The following CHRNA1 variants were observed in gnomAD, a reference collection of about 807,000 sequenced individuals.
CHRNA1 encodes acetylcholine receptor subunit alpha.
A neutral mutation model predicts 47.1 loss-of-function variants in CHRNA1; 35 were observed. That is an observed-to-expected ratio of 0.74 (90% CI 0.57 to 0.99). The LOEUF (loss-of-function observed/expected upper bound fraction) is 0.99. Among genes scored for constraint, CHRNA1 ranks in the 50% least tolerant of loss-of-function variants. The probability of loss-of-function intolerance (pLI) is 0.00; values close to 1 mark genes in which losing one functional copy is unlikely to be tolerated. For synonymous variants in CHRNA1, 229 were observed against 223.6 expected (o/e 1.02, Z -0.22); for missense variants, 506 against 591.1 (o/e 0.86, Z 1.49).
intron 1 of CHRNA1, among the ~76,000 whole-genome samples, chr2:174,761,231 A>G (rs575896898): frequency 7.2e-5 from 11 of 152,214 alleles, no homozygotes; most frequent in Admixed American, 6.5e-4. Flanking sequence ...TGGGTTGGGG[A>G]CTGTGTGTTC....
chr2:174,748,743 T>G lies in CHRNA1; in HGVS notation c.1079A>C (p.Lys360Thr). 2 of 1,614,206 alleles carry G rather than the reference T, an allele frequency of 1.2e-6. No individual in the cohort carries two copies. Among genetic ancestry groups the G allele is most frequent in the Non-Finnish European group, 1.7e-6 (2 of 1,180,022 alleles). ...GATATCAATGTCTTCTGTAAAAATC[T>G]TTTTGTCTTGCTTTTCTCTGGATGG... ...KRPSREKQDK[K>T]IFTEDIDISD... Residue 360 changes from lysine (K) to threonine (T), a missense_variant, in exon 8 of 9, where the codon AAG (lysine) becomes ACG (threonine). Coordinates refer to ENST00000348749, the MANE Select transcript of CHRNA1 (RefSeq NM_000079.4).
intron 3 of CHRNA1, 155 bp from the exon 4 acceptor site, chr2:174,757,830 A>G: frequency 1.0e-6 from 1 of 953,840 alleles, no homozygotes. Context: ...CACTTCAGTA[A>G]ATAAGAACAG....
chr2:174,755,856 A>C (rs1363181198), intron 4 of CHRNA1, among the ~76,000 whole-genome samples: 3 of 152,164 alleles, frequency 2.0e-5, no homozygotes, highest in African/African-American at 7.2e-5. Context: ...GCCAACAGCG[A>C]GACCTCATCT....
In CHRNA1 at chr2:174,747,728, C is replaced by G. The variant is rs1683759208; in HGVS notation, c.*396G>C. On this transcript the variant is annotated 3_prime_UTR_variant, in exon 9 of 9. Transcript: ENST00000348749. Reference sequence around the variant, plus strand: ...AAAACTGACTCTTAAGCAAAGAATACACTTCATTTAGAACATCAGCAACTC... The same window carrying G: ...AAAACTGACTCTTAAGCAAAGAATAGACTTCATTTAGAACATCAGCAACTC... The G allele has an allele frequency of 1.1e-5, 3 of 278,268 alleles. No homozygotes were observed. The highest frequency in any genetic ancestry group is 2.1e-5 in the Non-Finnish European group (3 of 142,338). 17.2% of individuals were successfully genotyped at this position (278,268 alleles called of 1,614,324 possible). A position where few individuals can be genotyped will look rare whatever the true frequency, so the allele number is the denominator to read the frequency against.
At chr2:174,752,613 A>G (rs757449556) in intron 6 of CHRNA1, 4 of 152,254 alleles carry the variant, frequency 2.6e-5, no homozygotes, top group Non-Finnish European at 4.4e-5. Context: ...TCACTGGAAC[A>G]TGCACTCTGA....
chr2:174,758,265 C>T (rs946327530), intron 3 of CHRNA1, among the ~76,000 whole-genome samples: 1 of 151,930 alleles, frequency 6.6e-6, no homozygotes, highest in Non-Finnish European at 1.5e-5. Flanking sequence ...AAAAATTAGC[C>T]GGGCGTGGTG....
chr2:174,763,785 AT>A (rs1244858402), intron 1 of CHRNA1, among the ~76,000 whole-genome samples: 4 of 150,714 alleles, frequency 2.7e-5, no homozygotes, highest in Admixed American at 1.3e-4. Context: ...TTCATATGGA[AT>A]TTTTTTTAAC....
intron 5 of CHRNA1, 62 bp downstream of exon 5, chr2:174,754,157 A>G: frequency 6.7e-7 from 1 of 1,485,926 alleles, no homozygotes; most frequent in Non-Finnish European, 9.4e-7. Flanking sequence ...TCCAAGGAAA[A>G]GTTGGAGACC....
rs910751428 is a variant in CHRNA1 at position 174,753,279 on chromosome 2, G to A, written c.778+224C>T. On this transcript the variant is annotated intron_variant, in intron 6 of 8. Transcript: ENST00000348749. ...CTAAGCTACACTGTGCATCTCTAGG[G>A]TCATGTTCAACTCCCTGCCGCTCGG... is the stretch of plus-strand genomic sequence containing the variant. 7 of 688,942 alleles carry A rather than the reference G, an allele frequency of 1.0e-5. 1 individual carries two copies. Among genetic ancestry groups the A allele is most frequent in the Non-Finnish European group, 1.6e-5 (6 of 378,082 alleles). The allele number at this position is 688,942 out of a possible 1,614,324, so 42.7% of individuals were successfully genotyped here.
rs142435010 is a variant in CHRNA1 at position 174,756,957 on chromosome 2, C to T, written c.344+609G>A. 2.5e-3 allele frequency among the ~76,000 whole-genome samples: 382 copies of T among 152,228 alleles called. 4 individuals are homozygous for T. Among genetic ancestry groups the T allele is most frequent in the African/African-American group, 8.7e-3 (360 of 41,538 alleles). On this transcript the variant is annotated intron_variant, in intron 4 of 8. Coordinates refer to ENST00000348749, the MANE Select transcript of CHRNA1 (RefSeq NM_000079.4). Reference sequence around the variant, plus strand: ...TAATGAACGTGTCATTAGACCAGAACGTCTTGAATAATATTATAATTTCAC... The same window carrying T: ...TAATGAACGTGTCATTAGACCAGAATGTCTTGAATAATATTATAATTTCAC...
At chr2:174,758,829 G>A (rs1429560218) in intron 3 of CHRNA1, among the ~76,000 whole-genome samples, 1 of 152,040 alleles carries the variant, frequency 6.6e-6, no homozygotes, top group Non-Finnish European at 1.5e-5. Flanking sequence ...AAAATAGACT[G>A]TCATTCAATA....
At chr2:174,758,830 T>C (rs926202063) in intron 3 of CHRNA1, among the ~76,000 whole-genome samples, 14 of 152,230 alleles carry the variant, frequency 9.2e-5, no homozygotes, top group Admixed American at 5.2e-4. Context: ...AAATAGACTG[T>C]CATTCAATAT....
In CHRNA1 at chr2:174,753,517, A is replaced by C; in HGVS notation, c.764T>G (p.Leu255Arg). Residue 255 changes from leucine to arginine, a missense_variant, in exon 6 of 9, where the codon CTG becomes CGG. Coordinates refer to ENST00000348749, the MANE Select transcript of CHRNA1 (RefSeq NM_000079.4). ...ACCACACCCACCTGAGTCTGTGGGC[A>C]GGTAGAATACCAGGCCAGTTAAGAA... ...FSFLTGLVFY[L>R]PTDSGEKMTL... 6.2e-7 allele frequency: 1 copy of C among 1,614,116 alleles called. No individual in the cohort carries two copies. Among genetic ancestry groups the C allele is most frequent in the South Asian group, 1.1e-5 (1 of 91,078 alleles).
rs1376865 is a variant in CHRNA1, at chr2:174,759,869, G to A, written c.44-236C>T. 0.73 allele frequency among the ~76,000 whole-genome samples: 109,959 copies of A among 151,294 alleles called. 44,043 individuals are homozygous for A. The highest frequency in any genetic ancestry group is 0.92 in the East Asian group (4,761 of 5,148). On this transcript the variant is annotated intron_variant, in intron 1 of 8. Coordinates refer to ENST00000348749, the MANE Select transcript of CHRNA1 (RefSeq NM_000079.4). ...GTGGGGTGTGCCAGGTAATCACAAC[G>A]CTTGTACTTTGGACAGGTGACATTC...
At position 174,754,422 on chromosome 2, in the gene CHRNA1, T is replaced by C; in HGVS notation, c.345-8A>G. 2 of 1,613,740 alleles carry C rather than the reference T, an allele frequency of 1.2e-6. No individual in the cohort carries two copies. The highest frequency in any genetic ancestry group is 1.7e-6 in the Non-Finnish European group (2 of 1,179,916). On this transcript the variant is annotated splice_region_variant and splice_polypyrimidine_tract_variant and intron_variant, in intron 4 of 8. Transcript: ENST00000348749. ...GCAAAGTCACCATCTGCACTACAAT[T>C]GGGATAAAAGAGGAAAATGGCTCCA...
rs1683782192 is a variant in CHRNA1 at position 174,748,585 on chromosome 2, T to C, written c.1237A>G (p.Asn413Asp). 6.2e-7 allele frequency: 1 copy of C among 1,610,976 alleles called. No individual in the cohort carries two copies. Among genetic ancestry groups the C allele is most frequent in the African/African-American group, 1.3e-5 (1 of 74,832 alleles). Reference sequence around the variant, plus strand: ...TTTCAAGCCACGAAGCTTACATTGTTAGACTCCTGGTCTGACTTCATGGTC... The same window carrying C: ...TTTCAAGCCACGAAGCTTACATTGTCAGACTCCTGGTCTGACTTCATGGTC... The part of the protein sequence containing the change: ...AETMKSDQES[N>D]NAAAEWKYVA... The change falls in exon 8 of 9, where the codon AAC becomes GAC. Residue 413 changes from asparagine (N) to aspartate (D), a missense_variant. Coordinates refer to ENST00000348749, the MANE Select transcript of CHRNA1 (RefSeq NM_000079.4).
intron 4 of CHRNA1, among the ~76,000 whole-genome samples, chr2:174,756,693 G>T (rs2105350001): frequency 6.6e-6 from 1 of 152,278 alleles, no homozygotes; most frequent in South Asian, 2.1e-4. Flanking sequence ...TGAACCCCAG[G>T]TATAATTGGA....
rs779379425 is a variant in CHRNA1, at chr2:174,748,169, T to A, written c.1329A>T (p.Leu443=). 3.7e-6 allele frequency: 6 copies of A among 1,614,132 alleles called. No homozygotes were observed. In the Admixed American group the frequency reaches 1.0e-4, roughly 27 times the overall value. Residue 443 remains leucine, a synonymous_variant, in exon 9 of 9, where the codon CTA becomes CTT. Coordinates refer to ENST00000348749, the MANE Select transcript of CHRNA1 (RefSeq NM_000079.4). ...CAATGAGTCGACCTGCAAACACGGC[T>A]AGGGTTCCGATGATGCAAACAAGCA... ...VFMLVCIIGT[L]AVFAGRLIEL...
At chr2:174,756,032 G>T (rs1683975518) in intron 4 of CHRNA1, among the ~76,000 whole-genome samples, 2 of 31,126 alleles carry the variant, frequency 6.4e-5, no homozygotes, top group South Asian at 1.1e-3. Context: ...CAGAGACCTT[G>T]TCTCAAAAAA....
Sources: allele counts gnomAD v4.1 joint callset (sites outside exome capture counted in the v4.1 genomes callset), GRCh38; gene constraint gnomAD v4.1.1; transcripts MANE v1.5; gene names NCBI Gene and HGNC (gene_info 2026-07-23, HGNC 2026-07-21).